CUX2: variants seen among roughly 807,000 people sequenced by gnomAD.
CUX2 encodes the protein cut like homeobox 2.
A neutral mutation model predicts 144.8 loss-of-function variants in CUX2; 40 were observed. That is an observed-to-expected ratio of 0.28 (90% confidence interval 0.21 to 0.36). The LOEUF (loss-of-function observed/expected upper bound fraction) is 0.36, where lower values mean the gene tolerates loss of function less well. Ranked by LOEUF, CUX2 falls within the 10% of genes least tolerant of loss-of-function variation. The pLI is 1.00. For synonymous variants in CUX2, 827 were observed against 875.6 expected, an observed-to-expected ratio of 0.94 and a Z score of 0.98; for missense variants, 1,615 against 1,994.0, an observed-to-expected ratio of 0.81 and a Z score of 3.62.
chr12:111,211,720 C>T (rs926503576), intron 1 of CUX2, among the ~76,000 whole-genome samples: 3 of 151,964 alleles, frequency 2.0e-5, no homozygotes, highest in Admixed American at 1.3e-4. Context: ...CCTGTCTCTA[C>T]TAAAAATACA....
At chr12:111,154,078 A>G (rs1877229123) in intron 1 of CUX2, among the ~76,000 whole-genome samples, 1 of 152,112 alleles carries the variant, frequency 6.6e-6, no homozygotes, top group African/African-American at 2.4e-5. Context: ...CCCTGTCTCC[A>G]AATAAGGTCA....
chr12:111,338,073 G>A (rs552301763), intron 19 of CUX2, among the ~76,000 whole-genome samples: 2 of 151,922 alleles, frequency 1.3e-5, no homozygotes, highest in African/African-American at 4.8e-5. Context: ...GTTGGTTGCT[G>A]CCTCGTCCTG....
intron 1 of CUX2, chr12:111,099,753 G>A (rs1873089249): frequency 2.2e-6 from 1 of 449,960 alleles, no homozygotes; most frequent in Non-Finnish European, 4.5e-6. Context: ...CACGGATGGT[G>A]TAAAATCAGA....
intron 2 of CUX2, among the ~76,000 whole-genome samples, chr12:111,216,096 G>T (rs568935247): frequency 2.0e-5 from 3 of 152,186 alleles, no homozygotes; most frequent in South Asian, 2.1e-4. Context: ...GCGTCCCCCA[G>T]CCGTGAAGCA....
intron 3 of CUX2, among the ~76,000 whole-genome samples, chr12:111,224,131 G>A (rs1341509998): frequency 6.6e-6 from 1 of 152,068 alleles, no homozygotes; most frequent in East Asian, 1.9e-4. Flanking sequence ...TGATAACATG[G>A]GGGCCCTGGT....
intron 1 of CUX2, among the ~76,000 whole-genome samples, chr12:111,063,718 C>T (rs1453810406): frequency 6.6e-6 from 1 of 152,234 alleles, no homozygotes; most frequent in Non-Finnish European, 1.5e-5. Flanking sequence ...TTGGCGGCCG[C>T]CCCTGCATAG....
rs552035383 is a variant in CUX2, at chr12:111,198,742, G to C, written c.64-15458G>C. ...CCCTGCTGAGAAGGTGGCAGCACTG[G>C]GGGGGATGGGGAGGGATTGCAGGCT... On this transcript the variant is annotated intron_variant, in intron 1 of 21. Coordinates refer to ENST00000261726, the MANE Select transcript of CUX2 (RefSeq NM_015267.4). Among the ~76,000 whole-genome samples, 7 of 152,348 alleles carry C rather than the reference G, an allele frequency of 4.6e-5. No individual in the cohort carries two copies. In the East Asian group the frequency reaches 9.6e-4, roughly 21 times the overall value.
At chr12:111,206,262 G>A (rs1456421336) in intron 1 of CUX2, among the ~76,000 whole-genome samples, 1 of 152,202 alleles carries the variant, frequency 6.6e-6, no homozygotes, top group East Asian at 1.9e-4. Context: ...GGCATGGGAG[G>A]TTGAAGCTGC....
At chr12:111,237,121 C>T (rs1882794474) in intron 3 of CUX2, among the ~76,000 whole-genome samples, 1 of 152,164 alleles carries the variant, frequency 6.6e-6, no homozygotes, top group Non-Finnish European at 1.5e-5. Context: ...TGCACTCCAG[C>T]CCGGGTGACA....
intron 1 of CUX2, among the ~76,000 whole-genome samples, chr12:111,071,262 C>T (rs1871245540): frequency 6.6e-6 from 1 of 152,178 alleles, no homozygotes; most frequent in African/African-American, 2.4e-5. Context: ...GTTCCTGTTG[C>T]TCCACATCTT....
At chr12:111,089,957 T>C (rs1488526991) in intron 1 of CUX2, among the ~76,000 whole-genome samples, 1 of 152,140 alleles carries the variant, frequency 6.6e-6, no homozygotes, top group African/African-American at 2.4e-5. Context: ...ATGGAGGTTT[T>C]GGGGCAGAGG....
At chr12:111,056,293 A>G (rs973970863) in intron 1 of CUX2, among the ~76,000 whole-genome samples, 1 of 152,220 alleles carries the variant, frequency 6.6e-6, no homozygotes, top group African/African-American at 2.4e-5. Flanking sequence ...GGACAGAAAC[A>G]ACTCTTGTAT....
At chr12:111,072,591 A>C (rs1871295879) in intron 1 of CUX2, among the ~76,000 whole-genome samples, 1 of 152,220 alleles carries the variant, frequency 6.6e-6, no homozygotes, top group Non-Finnish European at 1.5e-5. Context: ...GTAAAGTAGG[A>C]GGAAGTTTGT....
rs1888992927 is a variant in CUX2, at chr12:111,350,138, CAG to C, written c.*1814_*1815del. 6.6e-6 allele frequency: 1 copy of C among 152,536 alleles called. No individual in the cohort carries two copies. The highest frequency in any genetic ancestry group is 2.4e-5 in the African/African-American group (1 of 41,448). The allele number at this position is 152,536 out of a possible 1,614,324, so 9.4% of individuals were successfully genotyped here. Reference sequence around the variant, plus strand: ...ATTTTTATATTTTGACAATAGGAAACAGTGACCATTTTCAGAGTAATCAAATC... The same window carrying C: ...ATTTTTATATTTTGACAATAGGAAACTGACCATTTTCAGAGTAATCAAATC... On this transcript the variant is annotated 3_prime_UTR_variant, in exon 22 of 22. Coordinates refer to ENST00000261726, the MANE Select transcript of CUX2 (RefSeq NM_015267.4).
rs2136280032 is a variant in CUX2 at position 111,255,157 on chromosome 12, G to T, written c.223-8604G>T. ...CAACCTTAATCAGTCTTTAGAACCA[G>T]CTAGTGCTGGCTCCTGAAACAGGCT... On this transcript the variant is annotated intron_variant, in intron 3 of 21. Coordinates refer to ENST00000261726, the MANE Select transcript of CUX2 (RefSeq NM_015267.4). This position sits in a 1 kb window ranked among gnomAD's most constrained non-coding sequence, Gnocchi z 4.1. Among the ~76,000 whole-genome samples, 1 of 152,268 alleles carries T rather than the reference G, an allele frequency of 6.6e-6. No homozygotes were observed. The highest frequency in any genetic ancestry group is 1.9e-4 in the East Asian group (1 of 5,170).
At chr12:111,102,883 G>C (rs1291422288) in intron 1 of CUX2, among the ~76,000 whole-genome samples, 1 of 152,040 alleles carries the variant, frequency 6.6e-6, no homozygotes, top group East Asian at 1.9e-4. Context: ...AGCTGTTATT[G>C]TTATTACTAT....
At chr12:111,074,052 AT>A (rs978154648) in intron 1 of CUX2, among the ~76,000 whole-genome samples, 7 of 150,878 alleles carry the variant, frequency 4.6e-5, no homozygotes, top group Non-Finnish European at 1.0e-4. Context: ...AAAAAAAAAA[AT>A]CATACATTGT....
chr12:111,217,741 G>C (rs943256550), intron 2 of CUX2, 149 bp from the exon 3 acceptor site: 11 of 785,266 alleles, frequency 1.4e-5, no homozygotes, highest in African/African-American at 5.1e-5. Flanking sequence ...CCCTGTTTGC[G>C]TGTGTCCCTT....
intron 3 of CUX2, among the ~76,000 whole-genome samples, chr12:111,234,774 A>G (rs1367602425): frequency 6.8e-6 from 1 of 147,052 alleles, no homozygotes; most frequent in East Asian, 2.0e-4. Context: ...GCTAGAGTGC[A>G]GTGGCGTGAT....
Sources: allele counts gnomAD v4.1 joint callset (sites outside exome capture counted in the v4.1 genomes callset), GRCh38; gene constraint gnomAD v4.1.1; non-coding constraint Gnocchi (gnomAD v3.1); transcripts MANE v1.5; gene names NCBI Gene and HGNC (gene_info 2026-07-23, HGNC 2026-07-21).